Variants in ZNF362 observed in about 807,000 individuals in gnomAD.
The protein encoded by ZNF362 is rotund homolog.
A neutral mutation model predicts 42.9 loss-of-function variants in ZNF362; 11 were observed. The observed-to-expected ratio is 0.26, with a 90% CI of 0.16 to 0.42. The LOEUF (loss-of-function observed/expected upper bound fraction) is 0.42. ZNF362 is among the 20% of genes least tolerant of loss of function. The pLI, the probability that ZNF362 is intolerant of heterozygous loss-of-function variation, is 1.00. For synonymous variants in ZNF362, 255 were observed against 257.3 expected (o/e 0.99, Z 0.09); for missense variants, 362 against 576.2 (o/e 0.63, Z 3.81).
the ZNF362 span, chr1:33,165,257 C>T: frequency 6.2e-6 from 3 of 483,734 alleles, no homozygotes; most frequent in East Asian, 1.1e-4. The surrounding 1 kb of genome is among the most constrained non-coding windows in gnomAD (Gnocchi z 4.0). Context: ...CACATCCTTG[C>T]CGCCAGTCAT....
chr1:33,145,477 C>T, the ZNF362 span: 12 of 164,610 alleles, frequency 7.3e-5, no homozygotes, highest in South Asian at 1.9e-3. Context: ...AAAAATACTG[C>T]TGGGGTGGCC....
At chr1:33,130,286 TG>T in the ZNF362 span, among the ~76,000 whole-genome samples, 3 of 152,240 alleles carry the variant, frequency 2.0e-5, no homozygotes, top group African/African-American at 7.2e-5. Flanking sequence ...CCGTTGAGTA[TG>T]GATGGAATTT....
At chr1:33,179,806 C>T in the ZNF362 span, among the ~76,000 whole-genome samples, 1 of 152,104 alleles carries the variant, frequency 6.6e-6, no homozygotes, top group East Asian at 1.9e-4. Context: ...ATTCCAGGCC[C>T]AAGTAAGCTT....
chr1:33,272,367 G>T lies in ZNF362; in HGVS notation c.38+1755G>T, dbSNP rs80214239. On this transcript the variant is annotated intron_variant, in intron 2 of 8. Coordinates refer to ENST00000539719, the MANE Select transcript of ZNF362 (RefSeq NM_152493.3). Reference sequence around the variant, plus strand: ...CAGTTGGCTCAGGTTCCCCAGCGCTGGTCCCAGTTTGGCCCAGAGGATTTG... The same window carrying T: ...CAGTTGGCTCAGGTTCCCCAGCGCTTGTCCCAGTTTGGCCCAGAGGATTTG... 7.6e-4 allele frequency among the ~76,000 whole-genome samples: 115 copies of T among 152,250 alleles called. 1 individual carries two copies. The East Asian group carries it at 0.019, about 25-fold the overall frequency.
At chr1:33,149,073 G>A in the ZNF362 span, among the ~76,000 whole-genome samples, 4 of 152,142 alleles carry the variant, frequency 2.6e-5, no homozygotes, top group Non-Finnish European at 4.4e-5. Context: ...CAATTCAAAA[G>A]GCCCACCCTT....
chr1:33,192,565 A>G, the ZNF362 span, among the ~76,000 whole-genome samples: 1 of 152,232 alleles, frequency 6.6e-6, no homozygotes, highest in Non-Finnish European at 1.5e-5. Context: ...GTGCTACCAC[A>G]GTGGTTTATT....
chr1:33,251,639 G>C (rs1645762441), upstream of ZNF362, among the ~76,000 whole-genome samples: 1 of 152,080 alleles, frequency 6.6e-6, no homozygotes, highest in South Asian at 2.1e-4. Context: ...ACGACATCTA[G>C]CCCTGAGTGT....
At chr1:33,195,838 A>G in the ZNF362 span, 4 of 152,280 alleles carry the variant, frequency 2.6e-5, no homozygotes, top group East Asian at 7.7e-4. Context: ...CTATGGCTAC[A>G]CTAAATTTAT....
chr1:33,186,690 C>T, the ZNF362 span, among the ~76,000 whole-genome samples: 1 of 143,132 alleles, frequency 7.0e-6, no homozygotes, highest in South Asian at 2.4e-4. Flanking sequence ...CTTGTAATTC[C>T]AGCTACTTGT....
the ZNF362 span, among the ~76,000 whole-genome samples, chr1:33,193,004 C>CACATATATATAT: frequency 1.5e-5 from 2 of 137,198 alleles, no homozygotes; most frequent in South Asian, 2.5e-4. Context: ...CACACACACA[C>CACATATATATAT]ATATATATAT....
the ZNF362 span, among the ~76,000 whole-genome samples, chr1:33,227,495 T>C: frequency 6.6e-6 from 1 of 152,150 alleles, no homozygotes. Context: ...AAGCCCAGCC[T>C]TCAGCCATCC....
At chr1:33,147,450 G>A in the ZNF362 span, 1 of 1,614,036 alleles carries the variant, frequency 6.2e-7, no homozygotes, top group Non-Finnish European at 8.5e-7. The surrounding 1 kb of genome is among the most constrained non-coding windows in gnomAD (Gnocchi z 8.1). Context: ...TGCAGTAGAA[G>A]CCGCGGCTGG....
chr1:33,174,943 G>GCACACACACA, the ZNF362 span, among the ~76,000 whole-genome samples: 7 of 19,088 alleles, frequency 3.7e-4, no homozygotes, highest in African/African-American at 8.1e-4. Context: ...ACATATATGT[G>GCACACACACA]TGTATATATA....
the ZNF362 span, among the ~76,000 whole-genome samples, chr1:33,179,616 C>T: frequency 2.6e-5 from 4 of 151,804 alleles, no homozygotes; most frequent in Admixed American, 1.3e-4. Context: ...GTCATTCTTT[C>T]GTTCATTCAT....
the ZNF362 span, among the ~76,000 whole-genome samples, chr1:33,219,816 G>T: frequency 6.6e-6 from 1 of 152,104 alleles, no homozygotes; most frequent in African/African-American, 2.4e-5. Context: ...GTCTATCCCT[G>T]CCCAGGGATC....
At chr1:33,144,821 G>A in the ZNF362 span, among the ~76,000 whole-genome samples, 3 of 152,172 alleles carry the variant, frequency 2.0e-5, no homozygotes, top group Non-Finnish European at 4.4e-5. Context: ...GAGAAAGACA[G>A]ACTTCTTGGG....
the ZNF362 span, among the ~76,000 whole-genome samples, chr1:33,208,280 T>C: frequency 1.9e-4 from 29 of 152,324 alleles, no homozygotes; most frequent in African/African-American, 6.7e-4. Context: ...TCTGTTCCAT[T>C]GATCTATATA....
At chr1:33,256,257 GC>G (rs954654196), upstream of ZNF362, among the ~76,000 whole-genome samples, 39 of 138,338 alleles carry the variant, frequency 2.8e-4, no homozygotes, top group African/African-American at 9.2e-4. Flanking sequence ...GCCCGCCCCC[GC>G]CCCCCGCCCG....
intron 2 of ZNF362, chr1:33,275,119 AAG>A: frequency 1.0e-6 from 1 of 985,438 alleles, no homozygotes; most frequent in Non-Finnish European, 1.2e-6. Flanking sequence ...TGATTTCTGT[AAG>A]AGAGAGATAC....
Sources: allele counts gnomAD v4.1 joint callset (sites outside exome capture counted in the v4.1 genomes callset), GRCh38; gene constraint gnomAD v4.1.1; non-coding constraint Gnocchi (gnomAD v3.1); transcripts MANE v1.5; gene names NCBI Gene and HGNC (gene_info 2026-07-23, HGNC 2026-07-21).